Variants in CATSPERT observed in about 807,000 individuals in gnomAD.
CATSPERT encodes the protein cation channel sperm-associated targeting subunit tau.
the CATSPERT span, among the ~76,000 whole-genome samples, chr2:201,617,251 A>T: frequency 6.6e-6 from 1 of 152,176 alleles, no homozygotes; most frequent in Non-Finnish European, 1.5e-5. Context: ...CATTGCCAAG[A>T]CAATCCTAAG....
At chr2:201,519,461 A>C in the CATSPERT span, among the ~76,000 whole-genome samples, 2 of 152,202 alleles carry the variant, frequency 1.3e-5, no homozygotes, top group Non-Finnish European at 2.9e-5. Context: ...ATGAAAAAGC[A>C]AGGAAACATG....
the CATSPERT span, among the ~76,000 whole-genome samples, chr2:201,616,672 A>C: frequency 5.3e-4 from 80 of 152,150 alleles, no homozygotes; most frequent in Non-Finnish European, 9.9e-4. Context: ...CTCTCTCACC[A>C]CTCCTATTCA....
At chr2:201,526,433 G>A in the CATSPERT span, among the ~76,000 whole-genome samples, 42 of 152,084 alleles carry the variant, frequency 2.8e-4, no homozygotes, top group Admixed American at 2.7e-3. Context: ...CAGGACAATC[G>A]CTTGAACCCA....
At chr2:201,565,021 CAAGA>C in the CATSPERT span, among the ~76,000 whole-genome samples, 62,489 of 150,442 alleles carry the variant, frequency 0.42, 13,457 homozygotes, top group East Asian at 0.75. Flanking sequence ...AGAATAGAAA[CAAGA>C]AAGAGCCTGT....
At chr2:201,492,676 T>G in the CATSPERT span, 4 of 1,533,878 alleles carry the variant, frequency 2.6e-6, no homozygotes, top group Non-Finnish European at 3.5e-6. Flanking sequence ...TTCCAAATGT[T>G]TATCTATGAA....
chr2:201,554,519 A>G, the CATSPERT span: 2 of 152,192 alleles, frequency 1.3e-5, no homozygotes, highest in African/African-American at 4.8e-5. Flanking sequence ...AAGCCAATTT[A>G]GTAAAAATAA....
At chr2:201,617,979 C>G in the CATSPERT span, among the ~76,000 whole-genome samples, 312 of 152,260 alleles carry the variant, frequency 2.0e-3, 2 homozygotes, top group African/African-American at 7.3e-3. Context: ...CACTGGCCAT[C>G]AGAGAAATGC....
At chr2:201,522,485 G>A in the CATSPERT span, among the ~76,000 whole-genome samples, 1 of 152,080 alleles carries the variant, frequency 6.6e-6, no homozygotes, top group Non-Finnish European at 1.5e-5. Context: ...GCAGACTCTG[G>A]TTGAAGTGGG....
At chr2:201,597,958 T>C in the CATSPERT span, among the ~76,000 whole-genome samples, 1 of 152,254 alleles carries the variant, frequency 6.6e-6, no homozygotes, top group Non-Finnish European at 1.5e-5. Context: ...ATTAAAGTCC[T>C]AAAGCGTATG....
chr2:201,567,411 G>A, the CATSPERT span, among the ~76,000 whole-genome samples: 10 of 152,162 alleles, frequency 6.6e-5, no homozygotes, highest in African/African-American at 1.2e-4. Context: ...TTTATGATAA[G>A]CAATTGGCTC....
the CATSPERT span, among the ~76,000 whole-genome samples, chr2:201,562,228 C>G: frequency 1.5e-5 from 2 of 137,274 alleles, no homozygotes; most frequent in East Asian, 4.5e-4. Context: ...TGCACTGTCT[C>G]CCAGGCTGGA....
the CATSPERT span, among the ~76,000 whole-genome samples, chr2:201,552,687 G>T: frequency 2.6e-5 from 4 of 152,236 alleles, no homozygotes; most frequent in East Asian, 5.8e-4. Context: ...ATGGGTAGGG[G>T]GTGGCAACCC....
At chr2:201,538,296 TATA>T in the CATSPERT span, among the ~76,000 whole-genome samples, 4 of 152,100 alleles carry the variant, frequency 2.6e-5, no homozygotes, top group Non-Finnish European at 4.4e-5. Context: ...TTTCACTTAG[TATA>T]ATGTCCTCAA....
the CATSPERT span, among the ~76,000 whole-genome samples, chr2:201,599,086 C>T: frequency 3.3e-5 from 5 of 152,132 alleles, no homozygotes; most frequent in African/African-American, 1.2e-4. Context: ...TGTCCTCTGC[C>T]TCCTGACCAT....
chr2:201,535,962 G>A, the CATSPERT span: 1 of 1,597,782 alleles, frequency 6.3e-7, no homozygotes, highest in African/African-American at 1.3e-5. Context: ...GCTAATTTCT[G>A]TTGGAGATGA....
At chr2:201,594,348 A>G in the CATSPERT span, among the ~76,000 whole-genome samples, 4 of 151,778 alleles carry the variant, frequency 2.6e-5, no homozygotes, top group East Asian at 1.9e-4. Flanking sequence ...CGAGAGATCC[A>G]CTGTTAGTCT....
chr2:201,563,236 A>G, the CATSPERT span, among the ~76,000 whole-genome samples: 1 of 128,842 alleles, frequency 7.8e-6, no homozygotes. Context: ...GGCTGGGCAG[A>G]GGGGCTCCTC....
chr2:201,489,427 C>T, the CATSPERT span, among the ~76,000 whole-genome samples: 2 of 151,986 alleles, frequency 1.3e-5, no homozygotes, highest in African/African-American at 4.8e-5. Context: ...CTCACCCCCT[C>T]AATACTAAGT....
the CATSPERT span, among the ~76,000 whole-genome samples, chr2:201,495,522 G>A: frequency 1.3e-5 from 2 of 151,888 alleles, no homozygotes; most frequent in Non-Finnish European, 2.9e-5. Flanking sequence ...TCGTACTTCT[G>A]TGTTATCTAA....
Sources: allele counts gnomAD v4.1 joint callset (sites outside exome capture counted in the v4.1 genomes callset), GRCh38; gene constraint gnomAD v4.1.1; transcripts MANE v1.5; gene names NCBI Gene and HGNC (gene_info 2026-07-23, HGNC 2026-07-21).